SEL1L: variants seen among roughly 807,000 people sequenced by gnomAD.
SEL1L encodes protein sel-1 homolog 1.
In SEL1L, 52 loss-of-function variants were observed where a neutral mutation model predicts 109.8. The ratio of observed to expected loss-of-function variants is 0.47; its 90% CI spans 0.38 to 0.60. SEL1L has a LOEUF of 0.60. SEL1L is among the 20% of genes least tolerant of loss of function. The pLI is 0.00. For synonymous variants in SEL1L, 373 were observed against 339.6 expected, an observed-to-expected ratio of 1.10 and a Z score of -1.08; for missense variants, 749 against 962.2, an observed-to-expected ratio of 0.78 and a Z score of 2.93.
intron 6 of SEL1L, among the ~76,000 whole-genome samples, 167 bp from the exon 7 acceptor site, chr14:81,499,829 C>T (rs983861141): frequency 6.6e-6 from 1 of 151,014 alleles, no homozygotes; most frequent in Admixed American, 6.6e-5. Context: ...CTTGGAAAAG[C>T]ATTCAGAGTT....
rs148757384 is a variant in SEL1L at position 81,498,470 on chromosome 14, C to T, written c.916G>A (p.Gly306Ser). ...GCAGATTCACAACTCTGGAGGACGC[C>T]GATGCCAGCCCAGTATCTGTAACCC... ...VLGYRYWAGI[G>S]VLQSCESALT... Residue 306 changes from glycine (G) to serine (S), a missense_variant, in exon 9 of 21, where the codon GGC (glycine) becomes AGC (serine). Physicochemically the swap from Gly to Ser is moderately conservative, Grantham distance 56. Around this residue, in one of 2 missense-constraint regions of SEL1L, gnomAD observed 366 missense variants for 399.8 expected, o/e 0.92. Coordinates refer to ENST00000336735, the MANE Select transcript of SEL1L (RefSeq NM_005065.6). The T allele has an allele frequency of 1.2e-4, 190 of 1,613,790 alleles. No individual in the cohort carries two copies. Among genetic ancestry groups the T allele is most frequent in the African/African-American group, 5.3e-5 (4 of 74,884 alleles).
intron 3 of SEL1L, among the ~76,000 whole-genome samples, chr14:81,525,078 G>C (rs1179745542): frequency 6.6e-6 from 1 of 152,110 alleles, no homozygotes; most frequent in Admixed American, 6.5e-5. Flanking sequence ...ACTAGAGAGA[G>C]ACACAGAGAT....
Position 81,499,304 on chromosome 14 carries a change from T to C in SEL1L, c.891+155A>G, listed in dbSNP as rs1348483847. On this transcript the variant is annotated intron_variant, in intron 8 of 20. Transcript: ENST00000336735. ...TCATTTACATGTAGATTCCATGTGT[T>C]ATATCCATTAACAAGAATTTGAAGG... is the stretch of plus-strand genomic sequence containing the variant. 7 of 1,394,434 alleles carry C rather than the reference T, an allele frequency of 5.0e-6. No homozygotes were observed. In the East Asian group the frequency reaches 1.6e-4, roughly 32 times the overall value. 86.4% of individuals were successfully genotyped at this position (1,394,434 alleles called of 1,614,324 possible). A position where few individuals can be genotyped will look rare whatever the true frequency, so the allele number is the denominator to read the frequency against.
At chr14:81,510,487 T>A (rs1048879859) in intron 3 of SEL1L, among the ~76,000 whole-genome samples, 4 of 111,210 alleles carry the variant, frequency 3.6e-5, no homozygotes, top group African/African-American at 1.5e-4. Context: ...TCTCTCTCTC[T>A]CTCTCTCTCT....
chr14:81,482,457 T>A (rs1489599629), intron 19 of SEL1L, among the ~76,000 whole-genome samples: 1 of 152,058 alleles, frequency 6.6e-6, no homozygotes, highest in African/African-American at 2.4e-5. Context: ...GGCGCTTAAG[T>A]CCCCAGGGGT....
chr14:81,499,133 A>G, intron 8 of SEL1L: 1 of 1,030,052 alleles, frequency 9.7e-7, no homozygotes, highest in Non-Finnish European at 1.2e-6. Context: ...AAAAATTTTT[A>G]AAATTATGAT....
intron 3 of SEL1L, among the ~76,000 whole-genome samples, chr14:81,507,136 T>C (rs899578143): frequency 6.6e-6 from 1 of 152,168 alleles, no homozygotes; most frequent in Admixed American, 6.5e-5. Context: ...TAAAGCAGCA[T>C]GAGGAAGACA....
At chr14:81,483,761 G>T (rs1174856913) in intron 19 of SEL1L, among the ~76,000 whole-genome samples, 1 of 152,110 alleles carries the variant, frequency 6.6e-6, no homozygotes, top group Non-Finnish European at 1.5e-5. Flanking sequence ...GTACAAGGGG[G>T]TCTGTAGTTT....
intron 3 of SEL1L, among the ~76,000 whole-genome samples, chr14:81,519,928 G>A (rs72691458): frequency 0.16 from 24,502 of 152,124 alleles, 2,434 homozygotes; most frequent in Middle Eastern, 0.22. Flanking sequence ...GCTTAGGGAA[G>A]GGGTACACTG....
intron 11 of SEL1L, 77 bp downstream of exon 11, chr14:81,495,004 G>C (rs1883686122): frequency 1.4e-6 from 2 of 1,411,498 alleles, no homozygotes; most frequent in Non-Finnish European, 2.0e-6. Flanking sequence ...TACTGGTATT[G>C]ACTTAGCAAG....
In SEL1L at chr14:81,504,285, C is replaced by A; in HGVS notation, c.530G>T (p.Arg177Ile). The A allele has an allele frequency of 6.3e-7, 1 of 1,597,458 alleles. No homozygotes were observed. Among genetic ancestry groups the A allele is most frequent in the Non-Finnish European group, 8.5e-7 (1 of 1,172,338 alleles). Reference protein sequence around the residue: ...FCETEEEAAKRRQMQEAEMMY... With the variant: ...FCETEEEAAKIRQMQEAEMMY... ...CATTTCTGCTTCCTGCATCTGCCGT[C>A]TCTTAGCAGCCTCTTCTTCAGCTAA... Residue 177 changes from arginine to isoleucine, a missense_variant, in exon 5 of 21, where the codon AGA becomes ATA. Physicochemically the swap from Arg to Ile is moderately conservative, Grantham distance 97. This residue lies in a region of SEL1L where 366 missense variants were observed against 399.8 expected (regional missense o/e 0.92). Coordinates refer to ENST00000336735, the MANE Select transcript of SEL1L (RefSeq NM_005065.6).
chr14:81,505,960 G>A (rs1356416956), intron 4 of SEL1L, 114 bp downstream of exon 4: 32 of 1,014,720 alleles, frequency 3.2e-5, no homozygotes, highest in Non-Finnish European at 4.3e-5. Context: ...AATGACATCA[G>A]CAATGCTGGC....
intron 20 of SEL1L, among the ~76,000 whole-genome samples, chr14:81,478,939 C>G (rs574697994): frequency 6.6e-6 from 1 of 152,314 alleles, no homozygotes; most frequent in South Asian, 2.1e-4. Flanking sequence ...AACAAGGGCT[C>G]TGAACATCTT....
At chr14:81,513,174 AAAATGGACCAATCAGCG>A (rs1884557288) in intron 3 of SEL1L, among the ~76,000 whole-genome samples, 1 of 152,248 alleles carries the variant, frequency 6.6e-6, no homozygotes, top group Non-Finnish European at 1.5e-5. Context: ...AGCTCTCTGT[AAAATGGACCAATCAGCG>A]CTCCGTAAAA....
In SEL1L at chr14:81,476,863, G is replaced by T; in HGVS notation, c.*109C>A. ...TAGGAATTCAATGCTTCCTTGTGCCGTGCCTCTTCTGGGAGGTGACCACTG... is the reference window on the plus strand; with the variant it reads ...TAGGAATTCAATGCTTCCTTGTGCCTTGCCTCTTCTGGGAGGTGACCACTG... On this transcript the variant is annotated 3_prime_UTR_variant, in exon 21 of 21. Coordinates refer to ENST00000336735, the MANE Select transcript of SEL1L (RefSeq NM_005065.6). 1 of 1,033,184 alleles carries T rather than the reference G, an allele frequency of 9.7e-7. No homozygotes were observed. The highest frequency in any genetic ancestry group is 1.4e-6 in the Non-Finnish European group (1 of 712,232). 64.0% of individuals were successfully genotyped at this position (1,033,184 alleles called of 1,614,324 possible). A position where few individuals can be genotyped will look rare whatever the true frequency, so the allele number is the denominator to read the frequency against.
chr14:81,508,035 A>ATT (rs1884311144), intron 3 of SEL1L, among the ~76,000 whole-genome samples: 2 of 152,238 alleles, frequency 1.3e-5, no homozygotes, highest in African/African-American at 4.8e-5. Context: ...TAATACATGT[A>ATT]AAGGACTCAT....
chr14:81,487,913 C>G lies in SEL1L; in HGVS notation c.1425G>C (p.Gln475His), dbSNP rs1217060673. Reference sequence around the variant, plus strand: ...CCACCCAGCCTTGTTCAGCAGCTTTCTGGAAATACTTAAGGGCTAGATCAT... The same window carrying G: ...CCACCCAGCCTTGTTCAGCAGCTTTGTGGAAATACTTAAGGGCTAGATCAT... ...VNYDLALKYF[Q>H]KAAEQGWVDG... Residue 475 changes from glutamine to histidine, a missense_variant, in exon 15 of 21, where the codon CAG becomes CAC. Coordinates refer to ENST00000336735, the MANE Select transcript of SEL1L (RefSeq NM_005065.6). 6.2e-7 allele frequency: 1 copy of G among 1,613,752 alleles called. No individual in the cohort carries two copies. The highest frequency in any genetic ancestry group is 8.5e-7 in the Non-Finnish European group (1 of 1,179,884).
chr14:81,517,126 C>G (rs1280984947), intron 3 of SEL1L, among the ~76,000 whole-genome samples: 1 of 152,126 alleles, frequency 6.6e-6, no homozygotes, highest in East Asian at 1.9e-4. Context: ...TCTCTGGGGC[C>G]TGAGTGGTCA....
chr14:81,533,532 A>G (rs1394706228), intron 1 of SEL1L, 143 bp downstream of exon 1: 2 of 779,338 alleles, frequency 2.6e-6, no homozygotes, highest in South Asian at 1.7e-5. Flanking sequence ...AGGCCAAGCA[A>G]AGCCAAAGAG....
Sources: allele counts gnomAD v4.1 joint callset (sites outside exome capture counted in the v4.1 genomes callset), GRCh38; gene constraint gnomAD v4.1.1; regional missense constraint gnomAD v4.1.1; transcripts MANE v1.5; gene names NCBI Gene and HGNC (gene_info 2026-07-23, HGNC 2026-07-21).